ABR: variants seen among roughly 807,000 people sequenced by gnomAD.
The protein encoded by ABR is active breakpoint cluster region-related protein.
ABR carries 35 observed loss-of-function variants against 107.2 expected under a neutral mutation model. The observed-to-expected ratio is 0.33, with a 90% CI of 0.25 to 0.43. The LOEUF (loss-of-function observed/expected upper bound fraction) is 0.43. Among genes scored for constraint, ABR ranks in the 20% least tolerant of loss-of-function variants. ABR has a pLI of 1.00. For synonymous variants in ABR, 498 were observed against 462.0 expected, an observed-to-expected ratio of 1.08 and a Z score of -1.00; for missense variants, 815 against 1,115.2, an observed-to-expected ratio of 0.73 and a Z score of 3.83.
intron 1 of ABR, among the ~76,000 whole-genome samples, chr17:1,218,937 C>T (rs2043062893): frequency 6.6e-6 from 1 of 152,136 alleles, no homozygotes; most frequent in African/African-American, 2.4e-5. Flanking sequence ...GATCTTTAGG[C>T]CTTCCACCCT....
At chr17:1,126,003 T>A (rs1322759258) in intron 1 of ABR, among the ~76,000 whole-genome samples, 2 of 152,036 alleles carry the variant, frequency 1.3e-5, no homozygotes, top group Non-Finnish European at 2.9e-5. Flanking sequence ...TCGGAGCCGG[T>A]GCTTATTTCT....
intron 1 of ABR, among the ~76,000 whole-genome samples, chr17:1,139,554 T>G (rs1321114705): frequency 1.5e-5 from 1 of 66,750 alleles, no homozygotes. Context: ...GCCCGGCCTG[T>G]TTTTTTTTTC....
chr17:1,016,488 T>TG (rs1400543194), intron 16 of ABR, among the ~76,000 whole-genome samples: 2 of 151,838 alleles, frequency 1.3e-5, no homozygotes, highest in African/African-American at 2.4e-5. Flanking sequence ...AGCTAATTTT[T>TG]TATTTGTAGT....
intron 6 of ABR, 104 bp downstream of exon 6, chr17:1,079,226 C>A: frequency 6.6e-7 from 1 of 1,520,396 alleles, no homozygotes; most frequent in South Asian, 1.2e-5. Context: ...CACGCGCTCA[C>A]ACACACGCAC....
At chr17:1,125,140 G>C (rs750207605) in intron 2 of ABR, 43 bp downstream of exon 2, 2 of 1,523,444 alleles carry the variant, frequency 1.3e-6, no homozygotes, top group Non-Finnish European at 1.8e-6. Flanking sequence ...AGGCCTTCCC[G>C]TCACCCCTCC....
chr17:1,067,233 C>G lies in ABR; in HGVS notation c.1026G>C (p.Gln342His). Residue 342 changes from glutamine to histidine, a missense_variant, in exon 10 of 23, where the codon CAG becomes CAC. Coordinates refer to ENST00000302538, the MANE Select transcript of ABR (RefSeq NM_021962.5). ...GGATGTACCACTTACAGTCATACTG[C>G]TGGTGCTTCCTGCAAACGAGCCAGA... ...KLKKTSAGKH[Q>H]QYDCKWYIPL... 4 of 1,586,452 alleles carry G rather than the reference C, an allele frequency of 2.5e-6. No individual in the cohort carries two copies. In the Middle Eastern group the frequency reaches 5.4e-4, roughly 215 times the overall value.
chr17:1,184,048 T>G (rs1238327871), upstream of ABR, among the ~76,000 whole-genome samples: 2 of 151,058 alleles, frequency 1.3e-5, no homozygotes, highest in African/African-American at 4.9e-5. Flanking sequence ...CCGTCTCTAC[T>G]AAAAACACAA....
rs1018499642 is a variant in ABR at position 1,179,826 on chromosome 17, C to A, written c.-99G>T. On this transcript the variant is annotated 5_prime_UTR_variant, in exon 1 of 23. Transcript: ENST00000302538. This position sits in a 1 kb window ranked among gnomAD's most constrained non-coding sequence, Gnocchi z 4.9. ...CCGGGGGAGGCCGAAGTTGCGAGCGCGGAGGGGCGAGGAGGCCGGGAACCA... is the reference window on the plus strand; with the variant it reads ...CCGGGGGAGGCCGAAGTTGCGAGCGAGGAGGGGCGAGGAGGCCGGGAACCA... 4.0e-6 allele frequency: 5 copies of A among 1,253,288 alleles called. No homozygotes were observed. The Admixed American group carries it at 1.7e-4, about 42-fold the overall frequency. The allele number at this position is 1,253,288 out of a possible 1,614,324, so 77.6% of individuals were successfully genotyped here. A position where few individuals can be genotyped will look rare whatever the true frequency, so the allele number is the denominator to read the frequency against.
chr17:1,066,970 A>C, intron 10 of ABR, 107 bp downstream of exon 10: 1 of 1,219,958 alleles, frequency 8.2e-7, no homozygotes. Context: ...GTAACTACAC[A>C]CTCAAGGCTC....
At chr17:1,178,618 G>A (rs2041999620) in intron 1 of ABR, among the ~76,000 whole-genome samples, 1 of 151,456 alleles carries the variant, frequency 6.6e-6, no homozygotes, top group Non-Finnish European at 1.5e-5. Context: ...CCAGTGCCTA[G>A]AATCAGGCTG....
intron 4 of ABR, among the ~76,000 whole-genome samples, chr17:1,088,434 AG>A (rs1173156012): frequency 2.0e-5 from 3 of 149,894 alleles, no homozygotes; most frequent in African/African-American, 7.4e-5. Context: ...GATACCTTCC[AG>A]GGTGCCTCTT....
At chr17:1,111,954 C>T (rs1445020622) in intron 2 of ABR, among the ~76,000 whole-genome samples, 1 of 152,216 alleles carries the variant, frequency 6.6e-6, no homozygotes. Context: ...AAACAGCTTC[C>T]CCTTCCGGGT....
rs1372460285 is a variant in ABR, at chr17:1,011,564, T to C, written c.2101+282A>G. The C allele has an allele frequency of 2.1e-5, 6 of 281,702 alleles. No individual in the cohort carries two copies. The Admixed American group carries it at 2.4e-4, about 11-fold the overall frequency. The allele number at this position is 281,702 out of a possible 1,614,324, so 17.5% of individuals were successfully genotyped here. ...ACCCAGGAACTAGCAAGAAAGACAC[T>C]GGAGTCAGATCTGAGTTTTAAGTCC... On this transcript the variant is annotated intron_variant, in intron 19 of 22. Transcript: ENST00000302538. This position sits in a 1 kb window ranked among gnomAD's most constrained non-coding sequence, Gnocchi z 4.8.
chr17:1,169,059 A>AC (rs1418848722), intron 1 of ABR, among the ~76,000 whole-genome samples: 1 of 152,182 alleles, frequency 6.6e-6, no homozygotes, highest in East Asian at 1.9e-4. Flanking sequence ...CAAAGTAACT[A>AC]CCAAGGCTTT....
chr17:1,194,175 T>C (rs2042499903), intron 1 of ABR, among the ~76,000 whole-genome samples: 1 of 151,900 alleles, frequency 6.6e-6, no homozygotes, highest in African/African-American at 2.4e-5. Flanking sequence ...CTTTGTTTTT[T>C]TTTATTTATT....
At chr17:1,076,728 G>GGGGGC (rs1267959969) in intron 6 of ABR, among the ~76,000 whole-genome samples, 3 of 117,888 alleles carry the variant, frequency 2.5e-5, no homozygotes, top group African/African-American at 1.3e-4. Context: ...GGGGGTGGGG[G>GGGGGC]TGGGGGGGGT....
At chr17:1,049,874 G>C in intron 16 of ABR, 176 bp downstream of exon 16, 1 of 846,198 alleles carries the variant, frequency 1.2e-6, no homozygotes, top group South Asian at 1.7e-5. Flanking sequence ...TGGGCTTCCG[G>C]GGCCACAACA....
chr17:1,014,169 T>C (rs943925357), intron 16 of ABR, among the ~76,000 whole-genome samples: 8 of 152,156 alleles, frequency 5.3e-5, no homozygotes, highest in South Asian at 2.1e-4. Context: ...AGGCCAGGCG[T>C]GGCGGCTCAC....
At chr17:1,052,318 G>A (rs2032661564) in intron 14 of ABR, among the ~76,000 whole-genome samples, 2 of 151,854 alleles carry the variant, frequency 1.3e-5, no homozygotes, top group South Asian at 4.2e-4. Context: ...ATCTCGGTGT[G>A]AGCCCCTCCT....
Sources: allele counts gnomAD v4.1 joint callset (sites outside exome capture counted in the v4.1 genomes callset), GRCh38; gene constraint gnomAD v4.1.1; non-coding constraint Gnocchi (gnomAD v3.1); transcripts MANE v1.5; gene names NCBI Gene and HGNC (gene_info 2026-07-23, HGNC 2026-07-21).